PALM2AKAP2: variants seen among roughly 807,000 people sequenced by gnomAD.
The protein encoded by PALM2AKAP2 is PALM2-AKAP2 fusion protein.
A neutral mutation model predicts 71.5 loss-of-function variants in PALM2AKAP2; 37 were observed. That is an observed-to-expected ratio of 0.52 (90% CI 0.40 to 0.68). The LOEUF (loss-of-function observed/expected upper bound fraction) is 0.68. Among genes scored for constraint, PALM2AKAP2 ranks in the 30% least tolerant of loss-of-function variants. PALM2AKAP2 has a pLI of 0.00. For synonymous variants in PALM2AKAP2, 468 were observed against 478.8 expected (o/e 0.98, Z 0.29); for missense variants, 1,224 against 1,191.8 (o/e 1.03, Z -0.40).
chr9:109,923,672 G>T, intron 3 of PALM2AKAP2, 63 bp from the exon 4 acceptor site: 3 of 1,500,276 alleles, frequency 2.0e-6, no homozygotes, highest in African/African-American at 2.9e-5. Flanking sequence ...GGAAGGAGCT[G>T]CTCTCTTGCC....
intron 1 of PALM2AKAP2, among the ~76,000 whole-genome samples, chr9:110,116,672 C>T (rs62578865): frequency 0.063 from 9,658 of 152,268 alleles, 352 homozygotes; most frequent in Middle Eastern, 0.11. Flanking sequence ...TTACTCACAG[C>T]GTGTTTCACA....
chr9:109,820,696 C>T (rs182933564), intron 1 of PALM2AKAP2, among the ~76,000 whole-genome samples: 119 of 152,360 alleles, frequency 7.8e-4, no homozygotes, highest in African/African-American at 2.7e-3. Context: ...ACATCAGAAA[C>T]TCCATGTCTC....
chr9:110,070,563 A>G (rs1834180681), intron 1 of PALM2AKAP2, among the ~76,000 whole-genome samples: 1 of 152,190 alleles, frequency 6.6e-6, no homozygotes, highest in Non-Finnish European at 1.5e-5. Flanking sequence ...AGAAAAGTAT[A>G]AGTTGGTCAA....
chr9:109,821,710 G>T (rs866904741), intron 1 of PALM2AKAP2, among the ~76,000 whole-genome samples: 4 of 152,146 alleles, frequency 2.6e-5, no homozygotes, highest in Admixed American at 6.5e-5. Flanking sequence ...GGCTAGTAAG[G>T]GACTGGTGGC....
At chr9:110,081,857 G>A (rs897746010) in intron 1 of PALM2AKAP2, among the ~76,000 whole-genome samples, 11 of 151,964 alleles carry the variant, frequency 7.2e-5, no homozygotes, top group African/African-American at 2.7e-4. Context: ...GGGTTCTCAT[G>A]CTCACTCCAA....
At chr9:109,664,994 A>G (rs977641462) in intron 1 of PALM2AKAP2, among the ~76,000 whole-genome samples, 9 of 152,108 alleles carry the variant, frequency 5.9e-5, no homozygotes, top group African/African-American at 2.2e-4. Flanking sequence ...AAGCTTGTGC[A>G]TGTGTCACAA....
chr9:109,868,751 A>AT (rs1829525968), intron 2 of PALM2AKAP2, among the ~76,000 whole-genome samples: 1 of 152,218 alleles, frequency 6.6e-6, no homozygotes, highest in Admixed American at 6.5e-5. Context: ...AAGCAGCATG[A>AT]TACTAAGGAT....
intron 2 of PALM2AKAP2, among the ~76,000 whole-genome samples, chr9:109,876,136 A>G (rs748180558): frequency 6.6e-6 from 1 of 152,226 alleles, no homozygotes; most frequent in African/African-American, 2.4e-5. Context: ...CAAACAGAGA[A>G]AAGTTTTTTT....
intron 1 of PALM2AKAP2, among the ~76,000 whole-genome samples, chr9:109,834,450 CT>C (rs1223797269): frequency 6.6e-6 from 1 of 152,038 alleles, no homozygotes; most frequent in African/African-American, 2.4e-5. Flanking sequence ...GCAGGCTTGC[CT>C]TTGTAGGTAA....
intron 3 of PALM2AKAP2, among the ~76,000 whole-genome samples, chr9:109,897,430 A>G (rs1478934917): frequency 6.6e-6 from 1 of 152,056 alleles, no homozygotes; most frequent in Non-Finnish European, 1.5e-5. Flanking sequence ...AAATACAAAA[A>G]TTAGCCGGGC....
At chr9:110,020,326 G>T (rs898590884) in intron 7 of PALM2AKAP2, among the ~76,000 whole-genome samples, 17 of 152,142 alleles carry the variant, frequency 1.1e-4, no homozygotes, top group Non-Finnish European at 2.2e-4. Context: ...TGCCATGATT[G>T]TAAGTTTCCC....
At chr9:109,671,653 G>A (rs1827576060) in intron 1 of PALM2AKAP2, among the ~76,000 whole-genome samples, 1 of 152,020 alleles carries the variant, frequency 6.6e-6, no homozygotes, top group Non-Finnish European at 1.5e-5. Context: ...AGTTTAATAG[G>A]AATAACATTG....
intron 2 of PALM2AKAP2, among the ~76,000 whole-genome samples, chr9:110,146,417 C>G (rs1038905315): frequency 6.6e-6 from 1 of 152,134 alleles, no homozygotes; most frequent in African/African-American, 2.4e-5. Flanking sequence ...TGCTGGGCCA[C>G]CATGTGATGT....
chr9:109,773,135 G>T (rs1415242137), intron 1 of PALM2AKAP2, among the ~76,000 whole-genome samples: 1 of 151,878 alleles, frequency 6.6e-6, no homozygotes, highest in East Asian at 1.9e-4. Context: ...AAAGAATGTT[G>T]CAAAGTCTTT....
At chr9:110,018,864 T>G (rs1374283014) in intron 7 of PALM2AKAP2, among the ~76,000 whole-genome samples, 1 of 152,132 alleles carries the variant, frequency 6.6e-6, no homozygotes, top group Non-Finnish European at 1.5e-5. Context: ...TACATAACCA[T>G]GATGTCTTTG....
rs149177493 is a variant in PALM2AKAP2 at position 109,943,263 on chromosome 9, C to T, written c.496+11235C>T. ...CATTGAGGGAGAAGACAGTGACGGA[C>T]GTGTCCACTATTGACGGGAACGCGG... On this transcript the variant is annotated intron_variant, in intron 6 of 9. Coordinates refer to the PALM2AKAP2 transcript ENST00000302798. 2.8e-5 allele frequency: 45 copies of T among 1,614,236 alleles called. 1 individual carries two copies. Among genetic ancestry groups the T allele is most frequent in the East Asian group, 8.9e-5 (4 of 44,890 alleles).
At chr9:109,862,132 T>A (rs2479311) in intron 1 of PALM2AKAP2, among the ~76,000 whole-genome samples, 44,525 of 151,918 alleles carry the variant, frequency 0.29, 7,690 homozygotes, top group Non-Finnish European at 0.38. Flanking sequence ...TGTAGAAAAA[T>A]CCACAGCCTG....
At chr9:109,838,099 T>G (rs1288059342) in intron 1 of PALM2AKAP2, among the ~76,000 whole-genome samples, 6 of 152,212 alleles carry the variant, frequency 3.9e-5, no homozygotes, top group African/African-American at 1.4e-4. Context: ...ACATCACACT[T>G]ATTTCAAACT....
At chr9:109,942,985 G>A in intron 6 of PALM2AKAP2, 1 of 1,614,156 alleles carries the variant, frequency 6.2e-7, no homozygotes, top group Middle Eastern at 1.6e-4. Context: ...CCATCCCAAG[G>A]AACACATGCT....
Sources: allele counts gnomAD v4.1 joint callset (sites outside exome capture counted in the v4.1 genomes callset), GRCh38; gene constraint gnomAD v4.1.1; transcripts MANE v1.5; gene names NCBI Gene and HGNC (gene_info 2026-07-23, HGNC 2026-07-21).